The following INSC variants were observed in gnomAD, a reference collection of about 807,000 sequenced individuals.
INSC encodes protein inscuteable homolog.
A neutral mutation model predicts 58.6 loss-of-function variants in INSC; 67 were observed. That is an observed-to-expected ratio of 1.14 (90% CI 0.94 to 1.40). The LOEUF (loss-of-function observed/expected upper bound fraction) is 1.40, where lower values mean the gene tolerates loss of function less well. INSC is among the 40% of genes most tolerant of loss of function. The pLI is 0.00. For synonymous variants in INSC, 262 were observed against 276.1 expected (o/e 0.95, Z 0.51); for missense variants, 714 against 692.0 (o/e 1.03, Z -0.36).
At chr11:15,242,340 C>G (rs1310161184) in intron 12 of INSC, among the ~76,000 whole-genome samples, 1 of 152,190 alleles carries the variant, frequency 6.6e-6, no homozygotes, top group East Asian at 1.9e-4. Flanking sequence ...GAAGGACTTT[C>G]AAGCCGAAAA....
At chr11:15,208,769 G>T (rs1183829017) in intron 7 of INSC, among the ~76,000 whole-genome samples, 1 of 152,204 alleles carries the variant, frequency 6.6e-6, no homozygotes, top group Admixed American at 6.5e-5. Context: ...GGCTCCATCC[G>T]CAGAGGCTCG....
intron 6 of INSC, among the ~76,000 whole-genome samples, chr11:15,196,024 T>C (rs1850356784): frequency 2.0e-5 from 3 of 152,258 alleles, no homozygotes; most frequent in Admixed American, 2.0e-4. Context: ...CACAGGCTTC[T>C]CAGCTGTTCC....
At position 15,229,932 on chromosome 11, in the gene INSC, TTA is replaced by T. The variant is rs1200993885; in HGVS notation, c.1170+4115_1170+4116del. ...TATATATATATAAATTTTTTATATA[TTA>T]TATATATATAATATTATATATATAT... is the stretch of plus-strand genomic sequence containing the variant. On this transcript the variant is annotated intron_variant, in intron 9 of 12. Transcript: ENST00000379556. 4.2e-4 allele frequency among the ~76,000 whole-genome samples: 21 copies of T among 50,434 alleles called. 2 individuals are homozygous for T. In the East Asian group the frequency reaches 6.8e-3, roughly 16 times the overall value. 33.1% of individuals were successfully genotyped at this position (50,434 alleles called of 152,430 possible).
In INSC at chr11:15,178,370, T is replaced by A; in HGVS notation, c.502T>A (p.Cys168Ser). Residue 168 changes from cysteine to serine, a missense_variant, in exon 5 of 13, where the codon TGC becomes AGC. Coordinates refer to ENST00000379556, the MANE Select transcript of INSC (RefSeq NM_001042536.3). ...NEHVLKSMKA[C>S]VSETLSMLGQ... ...GCATGTCCTGAAGTCAATGAAGGCCTGCGTGAGTGAGACCCTGAGCATGCT... is the reference window on the plus strand; with the variant it reads ...GCATGTCCTGAAGTCAATGAAGGCCAGCGTGAGTGAGACCCTGAGCATGCT... 6.2e-7 allele frequency: 1 copy of A among 1,613,912 alleles called. No homozygotes were observed. Among genetic ancestry groups the A allele is most frequent in the South Asian group, 1.1e-5 (1 of 91,082 alleles).
intron 4 of INSC, among the ~76,000 whole-genome samples, chr11:15,177,943 T>G (rs1849629674): frequency 6.6e-6 from 1 of 152,210 alleles, no homozygotes; most frequent in African/African-American, 2.4e-5. Flanking sequence ...CAGAGCTCAC[T>G]AGCAATACCT....
intron 2 of INSC, among the ~76,000 whole-genome samples, chr11:15,161,015 C>T (rs1334012335): frequency 6.6e-6 from 1 of 152,198 alleles, no homozygotes; most frequent in Non-Finnish European, 1.5e-5. Flanking sequence ...GCCTGCTATG[C>T]AGAAGGTACT....
At chr11:15,152,497 A>G (rs1275287729) in intron 2 of INSC, among the ~76,000 whole-genome samples, 2 of 152,142 alleles carry the variant, frequency 1.3e-5, no homozygotes, top group Admixed American at 6.5e-5. Context: ...AAGTCAACTA[A>G]CCTTTAACTA....
At chr11:15,157,046 G>A (rs1346380973) in intron 2 of INSC, among the ~76,000 whole-genome samples, 3 of 152,094 alleles carry the variant, frequency 2.0e-5, no homozygotes, top group Non-Finnish European at 4.4e-5. Flanking sequence ...TTAGGACTTG[G>A]TCCCCTCATT....
rs548756226 is a variant in INSC, at chr11:15,202,768, G to A, written c.819+1819G>A. ...GTGCAGAAGGAAGTTTTCAATTCAG[G>A]GAAGAAAAACAACAGGGCTTTTCGT... On this transcript the variant is annotated intron_variant, in intron 7 of 12. Transcript: ENST00000379556. Among the ~76,000 whole-genome samples the A allele has an allele frequency of 4.6e-5, 7 of 152,296 alleles. No individual in the cohort carries two copies. The South Asian group carries it at 1.2e-3, about 27-fold the overall frequency.
intron 5 of INSC, among the ~76,000 whole-genome samples, chr11:15,183,535 G>A (rs570196212): frequency 2.0e-5 from 3 of 152,188 alleles, no homozygotes; most frequent in Admixed American, 6.5e-5. Context: ...CTCAAACAGT[G>A]TGTGGCTCTT....
Position 15,175,923 on chromosome 11 carries a change from G to C in INSC, c.239G>C (p.Arg80Pro), listed in dbSNP as rs756196159. Residue 80 changes from arginine to proline, a missense_variant, in exon 3 of 13, where the codon CGG becomes CCG. Coordinates refer to ENST00000379556, the MANE Select transcript of INSC (RefSeq NM_001042536.3). ...GACCCCCTGCAGCTGCTGCTCAAAC[G>C]GGGTTGGGTCATTAGCACAGAGCTG... The part of the protein sequence containing the change: ...PGDPLQLLLK[R>P]GWVISTELRR... 5.0e-6 allele frequency: 8 copies of C among 1,614,194 alleles called. No homozygotes were observed. The highest frequency in any genetic ancestry group is 6.8e-6 in the Non-Finnish European group (8 of 1,180,014).
chr11:15,180,707 T>C (rs1406370491), intron 5 of INSC, among the ~76,000 whole-genome samples: 1 of 109,052 alleles, frequency 9.2e-6, no homozygotes, highest in Admixed American at 9.7e-5. Flanking sequence ...GGGGGGGTGG[T>C]GGCCACAGAG....
rs1218783660 is a variant in INSC at position 15,240,484 on chromosome 11, A to G, written c.1431A>G (p.Ser477=). 4 of 1,613,912 alleles carry G rather than the reference A, an allele frequency of 2.5e-6. No individual in the cohort carries two copies. The highest frequency in any genetic ancestry group is 3.3e-5 in the Admixed American group (2 of 60,014). ...SRLIELCRSP[S]ERNSSDAVLV... ...TCATCGAGCTCTGCAGATCCCCATC[A>G]GAGAGGAACAGCAGTGACGCCGTGC... The change falls in exon 12 of 13, where the codon TCA becomes TCG. Residue 477 remains serine, a synonymous_variant. Coordinates refer to ENST00000379556, the MANE Select transcript of INSC (RefSeq NM_001042536.3).
Position 15,200,790 on chromosome 11 carries a change from A to G in INSC, c.694-34A>G, listed in dbSNP as rs1281378617. 1.8e-5 allele frequency: 29 copies of G among 1,613,576 alleles called. No individual in the cohort carries two copies. In the East Asian group the frequency reaches 6.5e-4, roughly 36 times the overall value. The stretch of plus-strand genomic sequence containing the variant: ...GAGTTAGCCCCAGACAAGGTCACAC[A>G]GTAAGATGATGTGACATTTCTTTCT... On this transcript the variant is annotated intron_variant, in intron 6 of 12. Coordinates refer to ENST00000379556, the MANE Select transcript of INSC (RefSeq NM_001042536.3).
rs61745926 is a variant in INSC, at chr11:15,200,836, G to A, written c.706G>A (p.Val236Ile). 4.1e-3 allele frequency: 6,672 copies of A among 1,613,940 alleles called. 216 individuals carry two copies. The African/African-American group carries it at 0.074, about 18-fold the overall frequency. Reference sequence around the variant, plus strand: ...TTTCTCTTGGCAGGAGGGTGGGGTCGTAGCACTCTTCAAGGTTTGCCGGCA... The same window carrying A: ...TTTCTCTTGGCAGGAGGGTGGGGTCATAGCACTCTTCAAGGTTTGCCGGCA... ...CRIIAKEGGVVALFKVCRQDS... is the reference protein window; with the variant it reads ...CRIIAKEGGVIALFKVCRQDS... Residue 236 changes from valine (V) to isoleucine (I), a missense_variant, in exon 7 of 13, where the codon GTA becomes ATA. Physicochemically the swap from Val to Ile is conservative, Grantham distance 29. Transcript: ENST00000379556.
At chr11:15,194,189 G>A (rs551286253) in intron 6 of INSC, among the ~76,000 whole-genome samples, 1 of 152,296 alleles carries the variant, frequency 6.6e-6, no homozygotes, top group African/African-American at 2.4e-5. Flanking sequence ...CCTCAGTAAG[G>A]TCTTTTGTTT....
chr11:15,125,884 A>G (rs1435621535), intron 1 of INSC, among the ~76,000 whole-genome samples: 1 of 152,160 alleles, frequency 6.6e-6, no homozygotes, highest in Admixed American at 6.5e-5. Flanking sequence ...GCTGGAGGTC[A>G]GAGTAAGCTT....
chr11:15,114,849 G>C (rs1185907552), upstream of INSC: 1 of 794,696 alleles, frequency 1.3e-6, no homozygotes, highest in Non-Finnish European at 1.5e-6. Flanking sequence ...CGGAGAGGGC[G>C]GGCGGGGGAG....
At chr11:15,131,911 A>G (rs1848133694) in intron 1 of INSC, among the ~76,000 whole-genome samples, 2 of 152,104 alleles carry the variant, frequency 1.3e-5, no homozygotes, top group African/African-American at 4.8e-5. Flanking sequence ...ACCCTTAATA[A>G]TCTCTGCTTA....
Sources: allele counts gnomAD v4.1 joint callset (sites outside exome capture counted in the v4.1 genomes callset), GRCh38; gene constraint gnomAD v4.1.1; transcripts MANE v1.5; gene names NCBI Gene and HGNC (gene_info 2026-07-23, HGNC 2026-07-21).